UPK1A: variants seen among roughly 807,000 people sequenced by gnomAD.
UPK1A encodes uroplakin 1A, also known as uroplakin-1a.
A neutral mutation model predicts 32.3 loss-of-function variants in UPK1A; 31 were observed. The ratio of observed to expected loss-of-function variants is 0.96; its 90% CI spans 0.72 to 1.30. UPK1A has a LOEUF of 1.30. UPK1A is among the 50% of genes most tolerant of loss of function. UPK1A has a pLI of 0.00. For missense variants in UPK1A, 340 were observed against 357.4 expected (o/e 0.95, Z 0.39); for synonymous variants, 135 against 137.1 (o/e 0.98, Z 0.11).
intron 6 of UPK1A, among the ~76,000 whole-genome samples, chr19:35,677,296 G>A (rs922328012): frequency 4.6e-5 from 7 of 151,740 alleles, no homozygotes; most frequent in Non-Finnish European, 5.9e-5. Flanking sequence ...GGGAGACCGA[G>A]ATGGGAGGAT....
chr19:35,670,134 G>A (rs906600218), intron 3 of UPK1A, among the ~76,000 whole-genome samples: 1 of 152,218 alleles, frequency 6.6e-6, no homozygotes, highest in Non-Finnish European at 1.5e-5. Flanking sequence ...ACTGGAGGAA[G>A]AGCCTTCCAG....
intron 6 of UPK1A, chr19:35,676,470 G>A (rs1354720465): frequency 1.3e-5 from 3 of 236,646 alleles, no homozygotes; most frequent in Non-Finnish European, 1.7e-5. Flanking sequence ...GATTACAGGC[G>A]TGAGCCACCA....
At chr19:35,672,721 T>C (rs1968121602) in intron 3 of UPK1A, among the ~76,000 whole-genome samples, 1 of 152,108 alleles carries the variant, frequency 6.6e-6, no homozygotes, top group African/African-American at 2.4e-5. Flanking sequence ...CTACCACTAG[T>C]AGTAACTATG....
chr19:35,676,937 T>C (rs557362117), intron 6 of UPK1A, among the ~76,000 whole-genome samples: 97 of 151,216 alleles, frequency 6.4e-4, no homozygotes, highest in Middle Eastern at 6.8e-3. Flanking sequence ...AACAAAACAA[T>C]AGAGCTAGGC....
At chr19:35,675,360 C>T (rs997258162) in intron 5 of UPK1A, among the ~76,000 whole-genome samples, 3 of 152,058 alleles carry the variant, frequency 2.0e-5, no homozygotes, top group African/African-American at 7.2e-5. Flanking sequence ...TGGCTCACTG[C>T]AGTCGCCACC....
chr19:35,668,796 G>T, intron 3 of UPK1A, 142 bp downstream of exon 3: 2 of 945,310 alleles, frequency 2.1e-6, no homozygotes, highest in Non-Finnish European at 3.1e-6. Context: ...ATCTCATTCA[G>T]TCTTCCCACA....
chr19:35,671,215 C>T (rs1968091336), intron 3 of UPK1A, among the ~76,000 whole-genome samples: 1 of 151,358 alleles, frequency 6.6e-6, no homozygotes, highest in Admixed American at 6.6e-5. Context: ...GGTGAAATCC[C>T]GTCTTTACTA....
intron 3 of UPK1A, among the ~76,000 whole-genome samples, chr19:35,671,664 G>A (rs950109290): frequency 5.4e-4 from 81 of 150,658 alleles, no homozygotes; most frequent in African/African-American, 1.8e-3. Flanking sequence ...GGGTTTCGCC[G>A]TGTTAGCCAG....
At chr19:35,670,176 G>A (rs1357807578) in intron 3 of UPK1A, among the ~76,000 whole-genome samples, 2 of 152,206 alleles carry the variant, frequency 1.3e-5, no homozygotes, top group Non-Finnish European at 2.9e-5. Flanking sequence ...AAGGCTCTGA[G>A]GCCAGAGCGG....
At chr19:35,672,188 A>G (rs116597627) in intron 3 of UPK1A, among the ~76,000 whole-genome samples, 2,233 of 152,326 alleles carry the variant, frequency 0.015, 69 homozygotes, top group African/African-American at 0.05. Context: ...ACCAAATTCA[A>G]TCAAGTTCTT....
chr19:35,670,953 G>A (rs990208158), intron 3 of UPK1A, among the ~76,000 whole-genome samples: 2 of 151,888 alleles, frequency 1.3e-5, no homozygotes, highest in African/African-American at 2.4e-5. Context: ...GGCCTCAAGT[G>A]AGCCTCCCAC....
exon 8 of UPK1A, chr19:35,678,045 A>G (rs768942547): frequency 6.4e-7 from 1 of 1,554,688 alleles, no homozygotes; most frequent in African/African-American, 1.3e-5. Context: ...GGCAACATAC[A>G]CACCCCGGAC....
chr19:35,675,923 C>G (rs780897710), exon 6 of UPK1A: 1 of 1,613,822 alleles, frequency 6.2e-7, no homozygotes, highest in Non-Finnish European at 8.5e-7. Flanking sequence ...AGGTGGTGTT[C>G]CCCTGGCCCC....
At chr19:35,676,096 C>G in intron 6 of UPK1A, 77 bp downstream of exon 6, 1 of 1,439,444 alleles carries the variant, frequency 6.9e-7, no homozygotes, top group Non-Finnish European at 9.4e-7. Context: ...CTCTGATTCT[C>G]TCTTTCTCCC....
At chr19:35,669,978 A>G (rs1273395793) in intron 3 of UPK1A, among the ~76,000 whole-genome samples, 1 of 152,240 alleles carries the variant, frequency 6.6e-6, no homozygotes, top group Admixed American at 6.5e-5. Context: ...TGAGCGAAAC[A>G]TAAAAGCCCT....
At chr19:35,677,830 G>C in exon 7 of UPK1A, 1 of 1,612,102 alleles carries the variant, frequency 6.2e-7, no homozygotes, top group Non-Finnish European at 8.5e-7. Flanking sequence ...CGAACACATC[G>C]GCCACGCCAT....
At chr19:35,669,390 C>T (rs1442902674) in intron 3 of UPK1A, among the ~76,000 whole-genome samples, 1 of 151,690 alleles carries the variant, frequency 6.6e-6, no homozygotes, top group African/African-American at 2.4e-5. Context: ...CGTGGCCAGG[C>T]GCAGTGGCTC....
rs370022224 is a variant in UPK1A at position 35,668,408 on chromosome 19, G to A, written c.85-46G>A. The A allele has an allele frequency of 4.4e-5, 71 of 1,610,324 alleles. No homozygotes were observed. In the African/African-American group the frequency reaches 7.7e-4, roughly 18 times the overall value. On this transcript the variant is annotated intron_variant, in intron 2 of 7. Transcript: ENST00000617999. ...TGCTCGTGGAGATGCCTGGTGCCAG[G>A]GCTGCTGGCCCCGAGCAGACCTTCC...
exon 3 of UPK1A, chr19:35,668,495 A>C (rs772028386): frequency 3.1e-6 from 5 of 1,614,048 alleles, no homozygotes; most frequent in Non-Finnish European, 4.2e-6. Flanking sequence ...TATGGGTGAC[A>C]GCCGACCAGT....
Sources: allele counts gnomAD v4.1 joint callset (sites outside exome capture counted in the v4.1 genomes callset), GRCh38; gene constraint gnomAD v4.1.1; transcripts MANE v1.5; gene names NCBI Gene and HGNC (gene_info 2026-07-23, HGNC 2026-07-21).